Variants in STARD13 observed in about 807,000 individuals in gnomAD.
The protein encoded by STARD13 is stAR-related lipid transfer protein 13.
In STARD13, 62 loss-of-function variants were observed where a neutral mutation model predicts 106.4. That is an observed-to-expected ratio of 0.58 (90% CI 0.48 to 0.72). The LOEUF is 0.72. STARD13 is among the 30% of genes least tolerant of loss of function. The pLI is 0.00. For missense variants in STARD13, 1,387 were observed against 1,424.0 expected, an observed-to-expected ratio of 0.97 and a Z score of 0.42; for synonymous variants, 565 against 553.0, an observed-to-expected ratio of 1.02 and a Z score of -0.31.
At chr13:33,390,485 T>G in the STARD13 span, among the ~76,000 whole-genome samples, 5 of 152,214 alleles carry the variant, frequency 3.3e-5, no homozygotes, top group Non-Finnish European at 7.3e-5. Context: ...AGCTTTACTC[T>G]ACTTGAGAAT....
the STARD13 span, among the ~76,000 whole-genome samples, chr13:33,416,663 C>G: frequency 6.6e-6 from 1 of 152,130 alleles, no homozygotes; most frequent in Non-Finnish European, 1.5e-5. Context: ...AGTCAGATTC[C>G]TTCTCTAGAC....
chr13:33,207,996 G>C (rs1019296579), intron 1 of STARD13, among the ~76,000 whole-genome samples: 2 of 152,198 alleles, frequency 1.3e-5, no homozygotes, highest in African/African-American at 4.8e-5. Context: ...ATAGTTTCAT[G>C]TGTGTGATCT....
At chr13:33,452,262 G>T in the STARD13 span, among the ~76,000 whole-genome samples, 31 of 152,066 alleles carry the variant, frequency 2.0e-4, no homozygotes, top group East Asian at 3.3e-3. Flanking sequence ...TAGTTGCGGG[G>T]CACACATGGG....
the STARD13 span, among the ~76,000 whole-genome samples, chr13:33,527,098 A>G: frequency 1.3e-5 from 2 of 152,122 alleles, no homozygotes; most frequent in African/African-American, 4.8e-5. Flanking sequence ...AGCCTCTTCT[A>G]TATTATTTTA....
chr13:33,478,180 T>C, the STARD13 span, among the ~76,000 whole-genome samples: 2 of 152,178 alleles, frequency 1.3e-5, no homozygotes, highest in African/African-American at 4.8e-5. Flanking sequence ...TGATCTCCCA[T>C]CCAATGCAGC....
At chr13:33,376,766 C>T in the STARD13 span, among the ~76,000 whole-genome samples, 1 of 152,150 alleles carries the variant, frequency 6.6e-6, no homozygotes, top group Non-Finnish European at 1.5e-5. Context: ...TTGGGCAGTG[C>T]CTAGGCTTAG....
At chr13:33,241,625 C>T (rs1422267129) in intron 1 of STARD13, among the ~76,000 whole-genome samples, 2 of 146,860 alleles carry the variant, frequency 1.4e-5, no homozygotes, top group Non-Finnish European at 3.0e-5. Flanking sequence ...CATCTCAACT[C>T]ACTGCAACCT....
the STARD13 span, among the ~76,000 whole-genome samples, chr13:33,453,972 A>C: frequency 6.6e-6 from 1 of 152,188 alleles, no homozygotes; most frequent in African/African-American, 2.4e-5. Context: ...CCACAAGCTA[A>C]ACAGACAGTC....
At chr13:33,250,343 A>G (rs2138282481) in intron 1 of STARD13, among the ~76,000 whole-genome samples, 1 of 152,348 alleles carries the variant, frequency 6.6e-6, no homozygotes, top group East Asian at 1.9e-4. Context: ...AGGAATGAAT[A>G]AGAATTAAGT....
At chr13:33,584,833 A>G in the STARD13 span, among the ~76,000 whole-genome samples, 1 of 151,556 alleles carries the variant, frequency 6.6e-6, no homozygotes, top group African/African-American at 2.4e-5. Flanking sequence ...ATAGGGAGTG[A>G]ATTATCATGA....
upstream of STARD13, among the ~76,000 whole-genome samples, chr13:33,354,902 T>A (rs1271367773): frequency 6.6e-6 from 1 of 152,044 alleles, no homozygotes; most frequent in African/African-American, 2.4e-5. Flanking sequence ...TTTCCTTGCA[T>A]ATTAAAAAAA....
the STARD13 span, among the ~76,000 whole-genome samples, chr13:33,427,811 C>T: frequency 0.047 from 7,115 of 151,972 alleles, 548 homozygotes; most frequent in African/African-American, 0.16. Flanking sequence ...CAAAATTAGC[C>T]GGGCGTGGTG....
chr13:33,254,992 G>A (rs537887618), intron 1 of STARD13, among the ~76,000 whole-genome samples: 1 of 152,122 alleles, frequency 6.6e-6, no homozygotes, highest in Non-Finnish European at 1.5e-5. Flanking sequence ...AAAGGCAGAG[G>A]GTCCACTGAG....
chr13:33,375,749 A>G, the STARD13 span, among the ~76,000 whole-genome samples: 2 of 152,102 alleles, frequency 1.3e-5, no homozygotes, highest in Non-Finnish European at 2.9e-5. Context: ...CTCCCATGAC[A>G]TGTGGAGATT....
At chr13:33,526,127 C>CT in the STARD13 span, among the ~76,000 whole-genome samples, 793 of 146,262 alleles carry the variant, frequency 5.4e-3, 9 homozygotes, top group African/African-American at 0.018. Context: ...CTGCTGTGTA[C>CT]TTTTTTTTTT....
chr13:33,496,754 A>G, the STARD13 span, among the ~76,000 whole-genome samples: 1 of 152,134 alleles, frequency 6.6e-6, no homozygotes, highest in East Asian at 1.9e-4. Flanking sequence ...GATACAGTTT[A>G]TACATATTCA....
At chr13:33,291,148 T>A (rs1272963326) in intron 1 of STARD13, among the ~76,000 whole-genome samples, 2 of 152,162 alleles carry the variant, frequency 1.3e-5, no homozygotes, top group Non-Finnish European at 2.9e-5. Flanking sequence ...ATATACAGAG[T>A]GTATTATCCC....
intron 2 of STARD13, 34 bp downstream of exon 2, chr13:33,167,517 C>A (rs775587464): frequency 5.0e-6 from 8 of 1,608,880 alleles, no homozygotes; most frequent in Non-Finnish European, 6.0e-6. Context: ...TGGATTTATT[C>A]TCTGTGTAAG....
At chr13:33,659,493 T>C in the STARD13 span, among the ~76,000 whole-genome samples, 130,763 of 152,208 alleles carry the variant, frequency 0.86, 57,079 homozygotes, top group South Asian at 0.96. Context: ...GGATTACAGG[T>C]GTGAGCCACT....
Sources: gnomAD v4.1 joint callset for allele counts (sites outside exome capture counted in the v4.1 genomes callset) on GRCh38, gnomAD v4.1.1 for gene constraint, MANE v1.5 for transcripts, NCBI Gene and HGNC (gene_info 2026-07-23, HGNC 2026-07-21) for gene names.